BRIP1: variants seen among roughly 807,000 people sequenced by gnomAD.
The protein encoded by BRIP1 is BRCA1 interacting DNA helicase 1.
Under a neutral mutation model 119.7 loss-of-function variants are expected in BRIP1, and 88 were observed. The ratio of observed to expected loss-of-function variants is 0.74; its 90% confidence interval spans 0.62 to 0.88. The LOEUF is 0.88. Among genes scored for constraint, BRIP1 ranks in the 40% least tolerant of loss-of-function variants. BRIP1 has a pLI of 0.00. For synonymous variants in BRIP1, 443 were observed against 496.5 expected (o/e 0.89, Z 1.43); for missense variants, 1,259 against 1,455.4 (o/e 0.87, Z 2.20).
At position 61,828,722 on chromosome 17, in the gene BRIP1, A is replaced by T. The variant is rs1271013736; in HGVS notation, c.627+18379T>A. 6.6e-6 allele frequency among the ~76,000 whole-genome samples: 1 copy of T among 152,226 alleles called. No individual in the cohort carries two copies. The highest frequency in any genetic ancestry group is 2.4e-5 in the African/African-American group (1 of 41,464). ...GAAAAACTGGAGGGTTAAGAAAGAA[A>T]TTATTTTCCTCATTTGTAAATTTGT... On this transcript the variant is annotated intron_variant, in intron 6 of 19. Coordinates refer to ENST00000259008, the MANE Select transcript of BRIP1 (RefSeq NM_032043.3). The surrounding 1 kb of genome is among the most constrained non-coding windows in gnomAD (Gnocchi z 4.1).
chr17:61,712,774 C>T (rs376563783), intron 17 of BRIP1, among the ~76,000 whole-genome samples: 40 of 151,820 alleles, frequency 2.6e-4, no homozygotes, highest in African/African-American at 8.2e-4. Flanking sequence ...CGTGGTGGTG[C>T]GAGCCTGTAG....
rs749073708 is a variant in BRIP1, at chr17:61,754,397, C to T, written c.2098-9806G>A. Among the ~76,000 whole-genome samples the T allele has an allele frequency of 2.0e-5, 3 of 152,126 alleles. No homozygotes were observed. Among genetic ancestry groups the T allele is most frequent in the Non-Finnish European group, 4.4e-5 (3 of 68,022 alleles). On this transcript the variant is annotated intron_variant, in intron 14 of 19. Transcript: ENST00000259008. The surrounding 1 kb of genome is among the most constrained non-coding windows in gnomAD (Gnocchi z 4.1). ...CTTCCTTTACACTTTTACTCACTGT[C>T]ACCTTCTCAGATAGGCCTTCCCAAA...
chr17:61,849,060 A>C, intron 5 of BRIP1, 69 bp downstream of exon 5: 1 of 1,551,930 alleles, frequency 6.4e-7, no homozygotes, highest in Non-Finnish European at 8.9e-7. Context: ...TGCATTAAAA[A>C]CATGATACTT....
Position 61,745,217 on chromosome 17 carries a change from G to A in BRIP1, c.2098-626C>T, listed in dbSNP as rs1169617840. 1.3e-5 allele frequency among the ~76,000 whole-genome samples: 2 copies of A among 152,178 alleles called. No individual in the cohort carries two copies. Among genetic ancestry groups the A allele is most frequent in the Non-Finnish European group, 2.9e-5 (2 of 68,026 alleles). On this transcript the variant is annotated intron_variant, in intron 14 of 19. Coordinates refer to ENST00000259008, the MANE Select transcript of BRIP1 (RefSeq NM_032043.3). This position sits in a 1 kb window ranked among gnomAD's most constrained non-coding sequence, Gnocchi z 4.4. ...TATGGGCACAAATGGAACATTTACAGCCATGGGCTAGATTACAAAAGGACA... is the reference window on the plus strand; with the variant it reads ...TATGGGCACAAATGGAACATTTACAACCATGGGCTAGATTACAAAAGGACA...
At chr17:61,764,132 T>C (rs2077317030) in intron 14 of BRIP1, among the ~76,000 whole-genome samples, 1 of 152,224 alleles carries the variant, frequency 6.6e-6, no homozygotes, top group East Asian at 1.9e-4. Flanking sequence ...ACTACAGCTG[T>C]GGCCAAGTGC....
rs2078846241 is a variant in BRIP1, at chr17:61,853,160, T to C, written c.379+3898A>G. 6.6e-6 allele frequency among the ~76,000 whole-genome samples: 1 copy of C among 152,054 alleles called. No individual in the cohort carries two copies. The highest frequency in any genetic ancestry group is 2.4e-5 in the African/African-American group (1 of 41,420). ...CACAGAAACAAGAAGTACTACTATA[T>C]GCAACAGCATGAATGAATCTCACAA... On this transcript the variant is annotated intron_variant, in intron 4 of 19. Coordinates refer to ENST00000259008, the MANE Select transcript of BRIP1 (RefSeq NM_032043.3). This position sits in a 1 kb window ranked among gnomAD's most constrained non-coding sequence, Gnocchi z 4.3.
At chr17:61,779,422 A>G (rs2077580384) in intron 13 of BRIP1, among the ~76,000 whole-genome samples, 1 of 152,110 alleles carries the variant, frequency 6.6e-6, no homozygotes, top group Admixed American at 6.6e-5. Context: ...CTAAAAAGAT[A>G]AAGTCTGGCC....
In BRIP1 at chr17:61,684,224, T is replaced by C; in HGVS notation, c.2906-84A>G. On this transcript the variant is annotated intron_variant, in intron 19 of 19. Coordinates refer to ENST00000259008, the MANE Select transcript of BRIP1 (RefSeq NM_032043.3). This position sits in a 1 kb window ranked among gnomAD's most constrained non-coding sequence, Gnocchi z 4.5. ...GGTTAAAATAATTATTTATTAGAAATACCTAAATAACTGTATAGGATACAT... is the reference window on the plus strand; with the variant it reads ...GGTTAAAATAATTATTTATTAGAAACACCTAAATAACTGTATAGGATACAT... The C allele has an allele frequency of 6.9e-7, 1 of 1,450,480 alleles. No homozygotes were observed. 89.9% of individuals were successfully genotyped at this position (1,450,480 alleles called of 1,614,324 possible).
At chr17:61,819,173 G>A (rs1181096739) in intron 6 of BRIP1, among the ~76,000 whole-genome samples, 2 of 108,942 alleles carry the variant, frequency 1.8e-5, no homozygotes, top group East Asian at 5.4e-4. Flanking sequence ...GCAACAGAGT[G>A]AGAATTTGTC....
rs1005463003 is a variant in BRIP1, at chr17:61,762,295, C to G, written c.2097+14106G>C. Among the ~76,000 whole-genome samples, 1 of 151,842 alleles carries G rather than the reference C, an allele frequency of 6.6e-6. No homozygotes were observed. The highest frequency in any genetic ancestry group is 1.5e-5 in the Non-Finnish European group (1 of 67,956). On this transcript the variant is annotated intron_variant, in intron 14 of 19. Coordinates refer to ENST00000259008, the MANE Select transcript of BRIP1 (RefSeq NM_032043.3). The surrounding 1 kb of genome is among the most constrained non-coding windows in gnomAD (Gnocchi z 4.3). The stretch of plus-strand genomic sequence containing the variant: ...CCCAAGAACTGAAACTGTAAAACTA[C>G]TAGAAGAAAACAGAGGGGGGAAAAC...
Position 61,680,602 on chromosome 17 carries a change from C to T in BRIP1, c.*2694G>A, listed in dbSNP as rs1481422973. Among the ~76,000 whole-genome samples, 1 of 151,026 alleles carries T rather than the reference C, an allele frequency of 6.6e-6. No individual in the cohort carries two copies. The highest frequency in any genetic ancestry group is 1.5e-5 in the Non-Finnish European group (1 of 67,840). On this transcript the variant is annotated 3_prime_UTR_variant, in exon 20 of 20. Coordinates refer to ENST00000259008, the MANE Select transcript of BRIP1 (RefSeq NM_032043.3). ...TCACGCCATTCTCCTGCCTCAGCCT[C>T]CTGAGTAGCTGGGACTACAGGCGCC...
chr17:61,682,310 T>TAGTAATAAG lies in BRIP1; in HGVS notation c.*985_*986insCTTATTACT, dbSNP rs2061280542. ...CTTCTAGTCTAGTGTTTGGTACTTA[T>TAGTAATAAG]TACTCACTGATCCACTAGGAAAAAT... On this transcript the variant is annotated 3_prime_UTR_variant, in exon 20 of 20. Transcript: ENST00000259008. The surrounding 1 kb of genome is among the most constrained non-coding windows in gnomAD (Gnocchi z 4.9). 5.0e-6 allele frequency: 1 copy of TAGTAATAAG among 201,104 alleles called. No individual in the cohort carries two copies. Among genetic ancestry groups the TAGTAATAAG allele is most frequent in the African/African-American group, 2.3e-5 (1 of 43,576 alleles). 12.5% of individuals were successfully genotyped at this position (201,104 alleles called of 1,614,324 possible).
At position 61,738,960 on chromosome 17, in the gene BRIP1, C is replaced by A. The variant is rs1226106911; in HGVS notation, c.2379+4053G>T. On this transcript the variant is annotated intron_variant, in intron 16 of 19. Coordinates refer to ENST00000259008, the MANE Select transcript of BRIP1 (RefSeq NM_032043.3). The surrounding 1 kb of genome is among the most constrained non-coding windows in gnomAD (Gnocchi z 4.2). ...TTGTACGTATAATATTTAGTACAAC[C>A]TAGTATTAGCCATAAAGTTTTTCTT... 29 of 154,822 alleles carry A rather than the reference C, an allele frequency of 1.9e-4. No homozygotes were observed. The highest frequency in any genetic ancestry group is 1.4e-5 in the Non-Finnish European group (1 of 69,732). 9.6% of individuals were successfully genotyped at this position (154,822 alleles called of 1,614,324 possible). A position where few individuals can be genotyped will look rare whatever the true frequency, so the allele number is the denominator to read the frequency against.
In BRIP1 at chr17:61,730,813, T is replaced by G. The variant is rs889403130; in HGVS notation, c.2379+12200A>C. Among the ~76,000 whole-genome samples the G allele has an allele frequency of 2.0e-5, 3 of 152,158 alleles. No homozygotes were observed. Among genetic ancestry groups the G allele is most frequent in the African/African-American group, 7.2e-5 (3 of 41,440 alleles). On this transcript the variant is annotated intron_variant, in intron 16 of 19. Transcript: ENST00000259008. The surrounding 1 kb of genome is among the most constrained non-coding windows in gnomAD (Gnocchi z 4.3). The stretch of plus-strand genomic sequence containing the variant: ...TTGGGATTTTAAATATTTCCATCCT[T>G]GATCCCAAAATATCTTTTAAAAATA...
chr17:61,707,558 T>C (rs1234014864), intron 17 of BRIP1, among the ~76,000 whole-genome samples: 1 of 152,174 alleles, frequency 6.6e-6, no homozygotes, highest in African/African-American at 2.4e-5. Flanking sequence ...TCCTCTAATT[T>C]TCTAGTTCTT....
chr17:61,688,748 A>C (rs2061399207), intron 18 of BRIP1, among the ~76,000 whole-genome samples: 1 of 151,178 alleles, frequency 6.6e-6, no homozygotes, highest in Admixed American at 6.6e-5. Flanking sequence ...TCCAGAAACC[A>C]ACCCTTAAAA....
intron 16 of BRIP1, among the ~76,000 whole-genome samples, chr17:61,723,164 G>C (rs146386993): frequency 1.5e-4 from 23 of 152,264 alleles, no homozygotes; most frequent in African/African-American, 5.5e-4. Context: ...TGTACACTTA[G>C]GGATTATCAA....
In BRIP1 at chr17:61,700,307, T is replaced by C. The variant is rs1051972599; in HGVS notation, c.2493-6795A>G. Among the ~76,000 whole-genome samples, 2 of 152,252 alleles carry C rather than the reference T, an allele frequency of 1.3e-5. No individual in the cohort carries two copies. Among genetic ancestry groups the C allele is most frequent in the Admixed American group, 6.5e-5 (1 of 15,284 alleles). Reference sequence around the variant, plus strand: ...TGTGGGTATTCTTTATTTCATCGTGTGCATCTGACTTACTTCCTAATATCC... The same window carrying C: ...TGTGGGTATTCTTTATTTCATCGTGCGCATCTGACTTACTTCCTAATATCC... On this transcript the variant is annotated intron_variant, in intron 17 of 19. Transcript: ENST00000259008. This position sits in a 1 kb window ranked among gnomAD's most constrained non-coding sequence, Gnocchi z 4.1.
At position 61,862,543 on chromosome 17, in the gene BRIP1, G is replaced by C. The variant is rs1005056555; in HGVS notation, c.-31+741C>G. On this transcript the variant is annotated intron_variant, in intron 1 of 19. Coordinates refer to ENST00000259008, the MANE Select transcript of BRIP1 (RefSeq NM_032043.3). This position sits in a 1 kb window ranked among gnomAD's most constrained non-coding sequence, Gnocchi z 5.3. ...CACTTTTCTTAACCTAGGATCCACG[G>C]ATGTAATTCAGAGACAATGACCTCT... is the stretch of plus-strand genomic sequence containing the variant. 6.6e-6 allele frequency among the ~76,000 whole-genome samples: 1 copy of C among 152,130 alleles called. No homozygotes were observed. Among genetic ancestry groups the C allele is most frequent in the South Asian group, 2.1e-4 (1 of 4,822 alleles).
Sources: allele counts gnomAD v4.1 joint callset (sites outside exome capture counted in the v4.1 genomes callset), GRCh38; gene constraint gnomAD v4.1.1; non-coding constraint Gnocchi (gnomAD v3.1); transcripts MANE v1.5; gene names NCBI Gene and HGNC (gene_info 2026-07-23, HGNC 2026-07-21).